The following MAGI2 variants were observed in gnomAD, a reference collection of about 807,000 sequenced individuals.
The protein encoded by MAGI2 is membrane associated guanylate kinase, WW and PDZ domain containing 2.
In MAGI2, 35 loss-of-function variants were observed where a neutral mutation model predicts 133.3. The observed-to-expected ratio is 0.26, with a 90% CI of 0.20 to 0.35. The LOEUF (loss-of-function observed/expected upper bound fraction) is 0.35. MAGI2 is among the 10% of genes least tolerant of loss of function. MAGI2 has a pLI of 1.00. For missense variants in MAGI2, 1,636 were observed against 1,863.4 expected, an observed-to-expected ratio of 0.88 and a Z score of 2.25; for synonymous variants, 729 against 710.6, an observed-to-expected ratio of 1.03 and a Z score of -0.41.
At chr7:78,555,444 T>TA (rs1361045055) in intron 3 of MAGI2, among the ~76,000 whole-genome samples, 7 of 152,176 alleles carry the variant, frequency 4.6e-5, no homozygotes, top group Admixed American at 2.6e-4. Context: ...TGGACACATA[T>TA]AAAAAAACTA....
At chr7:78,249,297 A>T (rs979905480) in intron 10 of MAGI2, among the ~76,000 whole-genome samples, 2 of 152,192 alleles carry the variant, frequency 1.3e-5, no homozygotes, top group Non-Finnish European at 2.9e-5. Flanking sequence ...TACAGAAAAC[A>T]GTATGGAAGT....
intron 7 of MAGI2, 38 bp from the exon 8 acceptor site, chr7:78,346,081 C>T (rs185426463): frequency 6.2e-7 from 1 of 1,611,214 alleles, no homozygotes; most frequent in Admixed American, 1.7e-5. Flanking sequence ...AACCGTGGGG[C>T]AAAGTTATTT....
At chr7:78,266,821 C>G (rs1794065978) in intron 9 of MAGI2, among the ~76,000 whole-genome samples, 1 of 152,192 alleles carries the variant, frequency 6.6e-6, no homozygotes, top group African/African-American at 2.4e-5. Flanking sequence ...ATCCGCCCAC[C>G]TTGGCCTCCT....
intron 16 of MAGI2, among the ~76,000 whole-genome samples, chr7:78,148,903 G>A (rs779354203): frequency 6.6e-6 from 1 of 152,096 alleles, no homozygotes; most frequent in Non-Finnish European, 1.5e-5. Flanking sequence ...GCCACTAATG[G>A]ATTATGGCAG....
intron 2 of MAGI2, among the ~76,000 whole-genome samples, chr7:78,639,520 C>T (rs1333766229): frequency 6.6e-6 from 1 of 152,074 alleles, no homozygotes; most frequent in Non-Finnish European, 1.5e-5. Flanking sequence ...TCTGATTTAT[C>T]TTATGTTCAC....
At chr7:78,133,731 C>T (rs1217388055) in intron 17 of MAGI2, among the ~76,000 whole-genome samples, 9 of 152,138 alleles carry the variant, frequency 5.9e-5, no homozygotes, top group Non-Finnish European at 1.2e-4. Context: ...AACTGAGAAG[C>T]GTTTAGATTT....
intron 3 of MAGI2, among the ~76,000 whole-genome samples, chr7:78,603,719 C>G (rs1805464087): frequency 6.6e-6 from 1 of 152,118 alleles, no homozygotes; most frequent in Admixed American, 6.5e-5. Flanking sequence ...GATGGAGTTT[C>G]ACCATGTTGG....
At chr7:78,051,289 G>T (rs563475364) in intron 21 of MAGI2, among the ~76,000 whole-genome samples, 2 of 152,312 alleles carry the variant, frequency 1.3e-5, no homozygotes, top group South Asian at 4.1e-4. Flanking sequence ...GAGGGCCGAT[G>T]ATTTTTTTAA....
chr7:79,324,410 C>T lies in MAGI2; in HGVS notation c.301+128610G>A, dbSNP rs868049826. On this transcript the variant is annotated intron_variant, in intron 1 of 21. Coordinates refer to ENST00000354212, the MANE Select transcript of MAGI2 (RefSeq NM_012301.4). The stretch of plus-strand genomic sequence containing the variant: ...TGTATGTATATATATATACACACAA[C>T]GTATCTATCTATAACCATATATATA... Among the ~76,000 whole-genome samples the T allele has an allele frequency of 1.4e-3, 191 of 132,176 alleles. 12 individuals carry two copies. The highest frequency in any genetic ancestry group is 5.0e-3 in the African/African-American group (180 of 36,348). The allele number at this position is 132,176 out of a possible 152,430, so 86.7% of individuals were successfully genotyped here.
At chr7:79,403,559 C>G (rs1845610380) in intron 1 of MAGI2, among the ~76,000 whole-genome samples, 1 of 151,936 alleles carries the variant, frequency 6.6e-6, no homozygotes, top group African/African-American at 2.4e-5. Context: ...ATTTTATGAA[C>G]TCTTTCCAGA....
At chr7:78,649,468 T>C (rs1209248153) in intron 2 of MAGI2, among the ~76,000 whole-genome samples, 1 of 152,088 alleles carries the variant, frequency 6.6e-6, no homozygotes, top group Admixed American at 6.6e-5. Context: ...GAGTTTGGCA[T>C]GTGGAGACAG....
At chr7:79,003,885 T>G (rs751171285) in intron 2 of MAGI2, among the ~76,000 whole-genome samples, 1 of 152,016 alleles carries the variant, frequency 6.6e-6, no homozygotes, top group Non-Finnish European at 1.5e-5. Flanking sequence ...TAAGTGCAAA[T>G]CAAAACCACA....
At chr7:79,099,159 A>C (rs1175371541) in intron 1 of MAGI2, among the ~76,000 whole-genome samples, 2 of 152,102 alleles carry the variant, frequency 1.3e-5, no homozygotes, top group South Asian at 4.1e-4. Context: ...AGTTAAAATT[A>C]GTGCTATTTT....
At chr7:78,876,269 C>T (rs368401914) in intron 2 of MAGI2, among the ~76,000 whole-genome samples, 85 of 141,812 alleles carry the variant, frequency 6.0e-4, no homozygotes, top group African/African-American at 2.0e-3. Context: ...TTGTAGTGAG[C>T]CGAGATCACG....
At chr7:78,436,900 G>T (rs1410382754) in intron 6 of MAGI2, among the ~76,000 whole-genome samples, 1 of 152,178 alleles carries the variant, frequency 6.6e-6, no homozygotes, top group African/African-American at 2.4e-5. Context: ...CTGGTCCACT[G>T]CAGGGGGATG....
At chr7:79,001,982 G>A (rs1806903624) in intron 2 of MAGI2, among the ~76,000 whole-genome samples, 1 of 151,996 alleles carries the variant, frequency 6.6e-6, no homozygotes, top group South Asian at 2.1e-4. Context: ...TTCATGGTTA[G>A]TCTTTATCAC....
rs187068659 is a variant in MAGI2 at position 78,651,275 on chromosome 7, A to C, written c.419-24036T>G. ...TAATTCATGTAACACACAAAATATAAACACAGATACACACACATGCCCTAT... is the reference window on the plus strand; with the variant it reads ...TAATTCATGTAACACACAAAATATACACACAGATACACACACATGCCCTAT... On this transcript the variant is annotated intron_variant, in intron 2 of 21. Coordinates refer to ENST00000354212, the MANE Select transcript of MAGI2 (RefSeq NM_012301.4). Among the ~76,000 whole-genome samples, 49 of 151,862 alleles carry C rather than the reference A, an allele frequency of 3.2e-4. No homozygotes were observed. In the East Asian group the frequency reaches 9.0e-3, roughly 28 times the overall value.
chr7:78,172,293 A>G (rs1455480637), intron 14 of MAGI2, among the ~76,000 whole-genome samples: 2 of 152,148 alleles, frequency 1.3e-5, no homozygotes, highest in Admixed American at 6.6e-5. Context: ...GCTCTGTAGT[A>G]TCTGTAGCCT....
At chr7:78,070,592 ATGTG>A (rs1563081577) in intron 21 of MAGI2, among the ~76,000 whole-genome samples, 1,157 of 83,220 alleles carry the variant, frequency 0.014, 15 homozygotes, top group South Asian at 0.091. Context: ...GTGTATATAT[ATGTG>A]TATATATGTG....
Sources: gnomAD v4.1 joint callset for allele counts (sites outside exome capture counted in the v4.1 genomes callset) on GRCh38, gnomAD v4.1.1 for gene constraint, MANE v1.5 for transcripts, NCBI Gene and HGNC (gene_info 2026-07-23, HGNC 2026-07-21) for gene names.